The following MLLT10 variants were observed in gnomAD, a reference collection of about 807,000 sequenced individuals.
MLLT10 encodes the protein MLLT10 histone lysine methyltransferase DOT1L cofactor.
Under a neutral mutation model 129.1 loss-of-function variants are expected in MLLT10, and 30 were observed. The ratio of observed to expected loss-of-function variants is 0.23; its 90% CI spans 0.17 to 0.32. MLLT10 has a LOEUF of 0.32. MLLT10 is among the 10% of genes least tolerant of loss of function. The pLI is 1.00. For missense variants in MLLT10, 1,119 were observed against 1,268.3 expected, an observed-to-expected ratio of 0.88 and a Z score of 1.79; for synonymous variants, 490 against 446.4, an observed-to-expected ratio of 1.10 and a Z score of -1.23.
At chr10:21,556,840 T>G (rs1391987969) in intron 3 of MLLT10, 1 of 1,553,782 alleles carries the variant, frequency 6.4e-7, no homozygotes, top group Non-Finnish European at 8.7e-7. Flanking sequence ...TTACCACTTG[T>G]CATATGTCCT....
intron 16 of MLLT10, among the ~76,000 whole-genome samples, chr10:21,728,866 A>AT (rs201564671): frequency 0.17 from 23,162 of 139,074 alleles, 1,939 homozygotes; most frequent in African/African-American, 0.23. Flanking sequence ...CATGTCTACA[A>AT]TTTTTTTTTT....
intron 13 of MLLT10, among the ~76,000 whole-genome samples, chr10:21,706,351 C>T (rs553999997): frequency 9.8e-5 from 15 of 152,300 alleles, no homozygotes; most frequent in African/African-American, 2.9e-4. Flanking sequence ...GTATATGCTT[C>T]GCATATGTAA....
At chr10:21,667,752 T>A (rs988398246) in intron 9 of MLLT10, among the ~76,000 whole-genome samples, 1 of 152,196 alleles carries the variant, frequency 6.6e-6, no homozygotes, top group South Asian at 2.1e-4. Flanking sequence ...GAGGCAACCA[T>A]ACCTTTTGTA....
intron 17 of MLLT10, among the ~76,000 whole-genome samples, chr10:21,731,764 CAG>C (rs1276462623): frequency 6.6e-6 from 1 of 152,078 alleles, no homozygotes; most frequent in Admixed American, 6.6e-5. Flanking sequence ...GTGTAAAATG[CAG>C]AGTTAAAATA....
chr10:21,708,088 TAA>T (rs1454698278), intron 13 of MLLT10, among the ~76,000 whole-genome samples: 1 of 152,234 alleles, frequency 6.6e-6, no homozygotes, highest in African/African-American at 2.4e-5. Flanking sequence ...CCCAGAGAGC[TAA>T]AATCTTGTCT....
intron 21 of MLLT10, among the ~76,000 whole-genome samples, chr10:21,736,348 A>G (rs895761142): frequency 6.6e-6 from 1 of 152,198 alleles, no homozygotes; most frequent in Non-Finnish European, 1.5e-5. Flanking sequence ...GCAGTGGCAC[A>G]ATCTGGGCTC....
intron 13 of MLLT10, among the ~76,000 whole-genome samples, chr10:21,712,509 A>AATTT (rs952606113): frequency 1.3e-5 from 2 of 152,068 alleles, no homozygotes; most frequent in South Asian, 2.1e-4. Context: ...TACAGTTGCT[A>AATTT]ATTTATTTAT....
At chr10:21,615,457 CAA>C (rs71393914) in intron 7 of MLLT10, among the ~76,000 whole-genome samples, 2 of 75,568 alleles carry the variant, frequency 2.6e-5, no homozygotes, top group African/African-American at 6.2e-5. Flanking sequence ...GACTCCGTCT[CAA>C]AAAAAAAAAA....
At position 21,651,311 on chromosome 10, in the gene MLLT10, C is replaced by T. The variant is rs2049009452; in HGVS notation, c.700-362C>T. Among the ~76,000 whole-genome samples, 3 of 152,182 alleles carry T rather than the reference C, an allele frequency of 2.0e-5. No individual in the cohort carries two copies. In the South Asian group the frequency reaches 6.2e-4, roughly 32 times the overall value. ...GATCCTAAACTCCTGGCCTCGTGAT[C>T]CGCCCGCTTCAGCTTCCCAAAGTGC... On this transcript the variant is annotated intron_variant, in intron 8 of 22. Transcript: ENST00000307729.
At chr10:21,700,593 G>GC (rs2054816936) in intron 13 of MLLT10, among the ~76,000 whole-genome samples, 1 of 152,076 alleles carries the variant, frequency 6.6e-6, no homozygotes, top group South Asian at 2.1e-4. Context: ...TTTATCAAAT[G>GC]CTTTTTCTGC....
At chr10:21,559,588 G>A (rs1296391043) in intron 3 of MLLT10, among the ~76,000 whole-genome samples, 3 of 152,172 alleles carry the variant, frequency 2.0e-5, no homozygotes, top group Non-Finnish European at 4.4e-5. Flanking sequence ...TAATTCCAAA[G>A]AGAAATTCTG....
chr10:21,624,925 T>C, intron 8 of MLLT10: 6 of 1,309,296 alleles, frequency 4.6e-6, no homozygotes, highest in South Asian at 1.4e-5. Context: ...GCTCTACCTC[T>C]TGGAGGTGGT....
chr10:21,735,294 C>A, intron 21 of MLLT10, 59 bp downstream of exon 21: 1 of 1,333,186 alleles, frequency 7.5e-7, no homozygotes, highest in Non-Finnish European at 1.1e-6. Flanking sequence ...CTGTAATATT[C>A]ACTGTGGGTA....
chr10:21,547,464 G>C (rs1278946816), intron 3 of MLLT10, among the ~76,000 whole-genome samples: 1 of 148,264 alleles, frequency 6.7e-6, no homozygotes, highest in East Asian at 2.0e-4. Context: ...TGGAACTCTT[G>C]GGCTCATGTG....
chr10:21,569,998 C>T (rs1480180373), intron 3 of MLLT10, among the ~76,000 whole-genome samples: 1 of 152,156 alleles, frequency 6.6e-6, no homozygotes, highest in Non-Finnish European at 1.5e-5. Flanking sequence ...CAATCTCTGC[C>T]TCCTGGCTTC....
At chr10:21,636,769 T>A (rs921663263) in intron 8 of MLLT10, among the ~76,000 whole-genome samples, 7 of 151,984 alleles carry the variant, frequency 4.6e-5, no homozygotes, top group South Asian at 2.1e-4. Context: ...CTTTTTTTTT[T>A]AAACCCTGAG....
chr10:21,675,072 G>T (rs2051943204), intron 11 of MLLT10, among the ~76,000 whole-genome samples: 1 of 152,168 alleles, frequency 6.6e-6, no homozygotes, highest in Non-Finnish European at 1.5e-5. Flanking sequence ...GATTTGTTAT[G>T]TGCCAGTTCT....
intron 14 of MLLT10, among the ~76,000 whole-genome samples, chr10:21,723,749 T>A (rs773444830): frequency 5.3e-5 from 8 of 152,210 alleles, no homozygotes; most frequent in Admixed American, 1.3e-4. Flanking sequence ...TTCTTCCTCC[T>A]TCTAATTAAT....
chr10:21,548,413 A>G (rs572371631), intron 3 of MLLT10, among the ~76,000 whole-genome samples: 2 of 146,834 alleles, frequency 1.4e-5, no homozygotes, highest in East Asian at 4.0e-4. Flanking sequence ...TCTGTTGCCC[A>G]GGCTGGAGTG....
Sources: gnomAD v4.1 joint callset for allele counts (sites outside exome capture counted in the v4.1 genomes callset) on GRCh38, gnomAD v4.1.1 for gene constraint, MANE v1.5 for transcripts, NCBI Gene and HGNC (gene_info 2026-07-23, HGNC 2026-07-21) for gene names.